Variants in CATSPERT observed in about 807,000 individuals in gnomAD.
CATSPERT encodes the protein catsper channel auxiliary subunit tau.
chr2:201,505,522 C>T, the CATSPERT span, among the ~76,000 whole-genome samples: 1 of 152,142 alleles, frequency 6.6e-6, no homozygotes, highest in Non-Finnish European at 1.5e-5. Flanking sequence ...ACTCAGAATG[C>T]AAACATAATA....
the CATSPERT span, chr2:201,574,140 G>C: frequency 9.1e-7 from 1 of 1,096,032 alleles, no homozygotes; most frequent in South Asian, 1.8e-5. Context: ...AACTGAAATA[G>C]AGCCTCAGAA....
the CATSPERT span, among the ~76,000 whole-genome samples, chr2:201,581,542 A>ATG: frequency 1.2e-3 from 48 of 40,966 alleles, 2 homozygotes; most frequent in African/African-American, 3.0e-3. Context: ...CTGGAAAAAA[A>ATG]TGTGTGTATA....
chr2:201,578,131 A>G, the CATSPERT span, among the ~76,000 whole-genome samples: 2 of 152,198 alleles, frequency 1.3e-5, no homozygotes, highest in Non-Finnish European at 2.9e-5. Flanking sequence ...ACATTTAGAA[A>G]TATAATATTT....
chr2:201,565,705 ATTT>A, the CATSPERT span: 37,274 of 1,304,682 alleles, frequency 0.029, 2 homozygotes, highest in East Asian at 0.06. Context: ...GCTCTTTTGA[ATTT>A]TTTTTTTTTT....
chr2:201,495,772 G>T, the CATSPERT span: 1 of 417,560 alleles, frequency 2.4e-6, no homozygotes. Context: ...ACCTGGGAAT[G>T]TGTATTTTTT....
At chr2:201,523,200 C>A in the CATSPERT span, among the ~76,000 whole-genome samples, 1 of 152,092 alleles carries the variant, frequency 6.6e-6, no homozygotes, top group Non-Finnish European at 1.5e-5. Flanking sequence ...GTGTGCAGAC[C>A]CCACTGACGT....
the CATSPERT span, among the ~76,000 whole-genome samples, chr2:201,544,130 T>C: frequency 6.6e-6 from 1 of 152,170 alleles, no homozygotes; most frequent in East Asian, 1.9e-4. Flanking sequence ...GTCCTTGTGA[T>C]AGTTTGCTCA....
chr2:201,535,649 G>A, the CATSPERT span: 6 of 1,159,228 alleles, frequency 5.2e-6, 1 homozygote, highest in South Asian at 8.3e-5. Flanking sequence ...AAATCACTTT[G>A]CTTTTCTTGA....
At chr2:201,491,944 GACTTACTTA>G in the CATSPERT span, 19 of 1,536,882 alleles carry the variant, frequency 1.2e-5, no homozygotes, top group Non-Finnish European at 1.7e-5. Flanking sequence ...TATTTCTGAT[GACTTACTTA>G]ATGGACTTGC....
chr2:201,546,963 G>T, the CATSPERT span, among the ~76,000 whole-genome samples: 1 of 152,032 alleles, frequency 6.6e-6, no homozygotes, highest in Non-Finnish European at 1.5e-5. Flanking sequence ...ATGAAGTACT[G>T]GTACATGCTA....
the CATSPERT span, chr2:201,491,548 T>C: frequency 6.5e-7 from 1 of 1,536,822 alleles, no homozygotes; most frequent in Non-Finnish European, 8.7e-7. Context: ...TTTCAATGTC[T>C]GACAATACTG....
At chr2:201,581,497 T>G in the CATSPERT span, among the ~76,000 whole-genome samples, 3 of 95,964 alleles carry the variant, frequency 3.1e-5, no homozygotes, top group Non-Finnish European at 6.1e-5. Flanking sequence ...TATATATATA[T>G]ATATATATAT....
the CATSPERT span, among the ~76,000 whole-genome samples, chr2:201,504,426 T>C: frequency 6.6e-6 from 1 of 152,232 alleles, no homozygotes; most frequent in Non-Finnish European, 1.5e-5. Context: ...TTCTATACCA[T>C]GCCCAAATAG....
chr2:201,558,371 C>T, the CATSPERT span: 1 of 152,260 alleles, frequency 6.6e-6, no homozygotes, highest in Admixed American at 6.5e-5. Flanking sequence ...GACCAATGCA[C>T]TGAATAAACA....
the CATSPERT span, among the ~76,000 whole-genome samples, chr2:201,581,477 AATATATATATATATATATATAT>A: frequency 6.7e-4 from 10 of 14,860 alleles, 1 homozygote; most frequent in East Asian, 1.5e-3. Flanking sequence ...CACATTCCGG[AATATATATATATATATATATAT>A]ATATATATAT....
chr2:201,554,325 C>T, the CATSPERT span: 1 of 152,110 alleles, frequency 6.6e-6, no homozygotes, highest in Non-Finnish European at 1.5e-5. Flanking sequence ...CCTGGCATTA[C>T]TAACAATGGT....
chr2:201,499,036 C>T, the CATSPERT span, among the ~76,000 whole-genome samples: 1 of 151,848 alleles, frequency 6.6e-6, no homozygotes, highest in Non-Finnish European at 1.5e-5. Flanking sequence ...GCCATCCTAC[C>T]TGCCATCTTC....
At chr2:201,574,304 T>C in the CATSPERT span, 25 of 1,565,162 alleles carry the variant, frequency 1.6e-5, no homozygotes, top group Non-Finnish European at 2.2e-5. Flanking sequence ...TTTTATTGTT[T>C]GATCAGGATG....
chr2:201,551,306 T>C, the CATSPERT span, among the ~76,000 whole-genome samples: 1 of 152,176 alleles, frequency 6.6e-6, no homozygotes, highest in South Asian at 2.1e-4. Context: ...TGTATGCACA[T>C]AGACATTTAT....
Sources: allele counts gnomAD v4.1 joint callset (sites outside exome capture counted in the v4.1 genomes callset), GRCh38; gene constraint gnomAD v4.1.1; transcripts MANE v1.5; gene names NCBI Gene and HGNC (gene_info 2026-07-23, HGNC 2026-07-21).